ABCC4: variants seen among roughly 807,000 people sequenced by gnomAD.
ABCC4 encodes the protein ATP-binding cassette sub-family C member 4.
A neutral mutation model predicts 168.5 loss-of-function variants in ABCC4; 102 were observed. The ratio of observed to expected loss-of-function variants is 0.61; its 90% CI spans 0.52 to 0.71. ABCC4 has a LOEUF of 0.71. ABCC4 is among the 30% of genes least tolerant of loss of function. The pLI is 0.00. For synonymous variants in ABCC4, 617 were observed against 590.7 expected (o/e 1.04, Z -0.65); for missense variants, 1,402 against 1,605.8 (o/e 0.87, Z 2.17).
At chr13:95,205,555 C>T (rs1171528249) in intron 8 of ABCC4, among the ~76,000 whole-genome samples, 1 of 152,248 alleles carries the variant, frequency 6.6e-6, no homozygotes, top group Non-Finnish European at 1.5e-5. Flanking sequence ...CTTGAGCATA[C>T]ATTATGTGCC....
Position 95,175,714 on chromosome 13 carries a change from G to C in ABCC4, c.1727+1993C>G, listed in dbSNP as rs191249643. Among the ~76,000 whole-genome samples, 114 of 152,326 alleles carry C rather than the reference G, an allele frequency of 7.5e-4. 1 individual carries two copies. In the East Asian group the frequency reaches 0.015, roughly 20 times the overall value. ...CAGGAAGAGGAGATTTGGATACAGA[G>C]ACACAAGGAGAAAAGGGTGAGAAGG... On this transcript the variant is annotated intron_variant, in intron 13 of 30. Coordinates refer to ENST00000645237, the MANE Select transcript of ABCC4 (RefSeq NM_005845.5).
At chr13:95,029,893 C>G (rs2031782979) in intron 30 of ABCC4, among the ~76,000 whole-genome samples, 1 of 152,130 alleles carries the variant, frequency 6.6e-6, no homozygotes, top group African/African-American at 2.4e-5. Flanking sequence ...CCTTGGGTGA[C>G]TTCTGTAAGG....
intron 9 of ABCC4, among the ~76,000 whole-genome samples, chr13:95,189,120 T>C (rs967414249): frequency 8.0e-6 from 1 of 124,430 alleles, no homozygotes; most frequent in Non-Finnish European, 1.7e-5. Context: ...TTTAAAACAA[T>C]ATTCTTTTTT....
At position 95,287,786 on chromosome 13, in the gene ABCC4, T is replaced by C. The variant is rs141750003; in HGVS notation, c.74+13455A>G. Among the ~76,000 whole-genome samples the C allele has an allele frequency of 5.2e-3, 791 of 151,670 alleles. 7 individuals are homozygous for C. Among genetic ancestry groups the C allele is most frequent in the African/African-American group, 0.018 (755 of 41,326 alleles). On this transcript the variant is annotated intron_variant, in intron 1 of 30. Transcript: ENST00000645237. ...GGCCAGATGAGGTGGCTCACACCTG[T>C]AATCTCAGCACTTTGGGAGGCCAAG...
At chr13:95,276,656 C>T (rs2040979768) in intron 1 of ABCC4, among the ~76,000 whole-genome samples, 1 of 152,192 alleles carries the variant, frequency 6.6e-6, no homozygotes, top group South Asian at 2.1e-4. Context: ...CTCACTCATT[C>T]CCATGGGAAG....
At chr13:95,068,482 AG>A (rs2033621415) in intron 25 of ABCC4, among the ~76,000 whole-genome samples, 1 of 152,002 alleles carries the variant, frequency 6.6e-6, no homozygotes, top group Non-Finnish European at 1.5e-5. Flanking sequence ...AAAATTAGCC[AG>A]GCATGGCAGC....
intron 1 of ABCC4, among the ~76,000 whole-genome samples, chr13:95,259,278 G>A (rs1220608948): frequency 6.6e-6 from 1 of 152,014 alleles, no homozygotes; most frequent in Middle Eastern, 3.2e-3. Flanking sequence ...TACTCAGGAG[G>A]CTGAAGCAGG....
At chr13:95,258,635 AC>A (rs2040451495) in intron 1 of ABCC4, among the ~76,000 whole-genome samples, 1 of 152,092 alleles carries the variant, frequency 6.6e-6, no homozygotes, top group African/African-American at 2.4e-5. Context: ...TATGGTGTTC[AC>A]TGGGCCAGGG....
At chr13:95,101,208 T>C (rs1183560552) in intron 20 of ABCC4, among the ~76,000 whole-genome samples, 5 of 151,974 alleles carry the variant, frequency 3.3e-5, no homozygotes, top group African/African-American at 7.3e-5. Flanking sequence ...AGTCAATGTG[T>C]TTTGTTTGTG....
chr13:95,151,683 G>A (rs999650671), intron 19 of ABCC4, among the ~76,000 whole-genome samples: 4 of 151,900 alleles, frequency 2.6e-5, no homozygotes, highest in South Asian at 2.1e-4. Flanking sequence ...ATCCACTGTC[G>A]GCAACTATTT....
At chr13:95,291,573 T>G (rs2041406215) in intron 1 of ABCC4, among the ~76,000 whole-genome samples, 1 of 152,196 alleles carries the variant, frequency 6.6e-6, no homozygotes, top group Admixed American at 6.6e-5. Flanking sequence ...TCCAAGAACT[T>G]TCAACAGCAA....
chr13:95,131,925 A>C (rs371238315), intron 19 of ABCC4, among the ~76,000 whole-genome samples: 1 of 152,282 alleles, frequency 6.6e-6, no homozygotes, highest in East Asian at 1.9e-4. Flanking sequence ...CAATTACCGC[A>C]TGATCCAGCA....
intron 19 of ABCC4, among the ~76,000 whole-genome samples, chr13:95,120,640 G>A (rs551483117): frequency 6.6e-6 from 1 of 151,684 alleles, no homozygotes; most frequent in East Asian, 1.9e-4. Context: ...AGTACAGAGA[G>A]AGGGTGGACC....
At chr13:95,122,435 T>A (rs1451738563) in intron 19 of ABCC4, among the ~76,000 whole-genome samples, 1 of 152,248 alleles carries the variant, frequency 6.6e-6, no homozygotes, top group East Asian at 1.9e-4. Flanking sequence ...GACTTATCTT[T>A]ATTTTACATA....
chr13:95,076,454 C>G (rs1287557633), intron 21 of ABCC4, among the ~76,000 whole-genome samples: 1 of 150,396 alleles, frequency 6.6e-6, no homozygotes, highest in South Asian at 2.1e-4. Flanking sequence ...CCATGAGGTT[C>G]CCTGACCAGC....
At chr13:95,263,360 G>T (rs916674225) in intron 1 of ABCC4, among the ~76,000 whole-genome samples, 3 of 152,132 alleles carry the variant, frequency 2.0e-5, no homozygotes, top group Non-Finnish European at 4.4e-5. Flanking sequence ...TGTTTGTGGA[G>T]ACTTTATAGA....
intron 4 of ABCC4, among the ~76,000 whole-genome samples, chr13:95,214,466 A>C (rs912628537): frequency 6.6e-6 from 1 of 152,188 alleles, no homozygotes; most frequent in Non-Finnish European, 1.5e-5. Context: ...AAGGACAAAA[A>C]CAAAGAGATC....
intron 1 of ABCC4, among the ~76,000 whole-genome samples, chr13:95,266,879 CT>C (rs34395714): frequency 0.061 from 7,064 of 116,696 alleles, 433 homozygotes; most frequent in African/African-American, 0.2. Flanking sequence ...CAAATCTCAT[CT>C]TTTTTTTTTT....
intron 6 of ABCC4, among the ~76,000 whole-genome samples, chr13:95,208,784 C>A (rs1367481556): frequency 6.6e-6 from 1 of 151,980 alleles, no homozygotes; most frequent in Non-Finnish European, 1.5e-5. Context: ...CCATGCCCAG[C>A]TAATTTTTTA....
Sources: allele counts gnomAD v4.1 joint callset (sites outside exome capture counted in the v4.1 genomes callset), GRCh38; gene constraint gnomAD v4.1.1; transcripts MANE v1.5; gene names NCBI Gene and HGNC (gene_info 2026-07-23, HGNC 2026-07-21).